NEURL1B: variants seen among roughly 807,000 people sequenced by gnomAD.
NEURL1B encodes the protein E3 ubiquitin-protein ligase NEURL1B.
NEURL1B carries 13 observed loss-of-function variants against 37.4 expected under a neutral mutation model. The observed-to-expected ratio is 0.35, with a 90% CI of 0.23 to 0.55. NEURL1B has a LOEUF of 0.55. Ranked by LOEUF, NEURL1B falls within the 20% of genes least tolerant of loss-of-function variation. The probability of loss-of-function intolerance (pLI) is 0.89; values close to 1 mark genes in which losing one functional copy is unlikely to be tolerated. For synonymous variants in NEURL1B, 432 were observed against 426.6 expected (o/e 1.01, Z -0.16); for missense variants, 790 against 879.2 (o/e 0.90, Z 1.28).
At chr5:172,642,712 C>T (rs117112108) in intron 1 of NEURL1B, among the ~76,000 whole-genome samples, 2 of 152,334 alleles carry the variant, frequency 1.3e-5, no homozygotes, top group East Asian at 3.9e-4. Context: ...AGCAACTGCA[C>T]TCAAACGTTC....
At chr5:172,645,317 C>T (rs543398481) in intron 1 of NEURL1B, among the ~76,000 whole-genome samples, 5 of 152,172 alleles carry the variant, frequency 3.3e-5, no homozygotes, top group Non-Finnish European at 7.3e-5. Context: ...GACAAAGAAG[C>T]ACTCGCTTAC....
intron 3 of NEURL1B, 79 bp downstream of exon 3, chr5:172,684,217 G>C (rs1581440634): frequency 1.0e-6 from 1 of 959,474 alleles, no homozygotes; most frequent in Non-Finnish European, 1.2e-6. Context: ...GCTCTTCCCC[G>C]GCCCCGCCCC....
intron 1 of NEURL1B, among the ~76,000 whole-genome samples, chr5:172,664,123 T>G (rs1757960684): frequency 6.6e-6 from 1 of 152,134 alleles, no homozygotes; most frequent in South Asian, 2.1e-4. Flanking sequence ...ACTCTGATGG[T>G]AAGAAAGTTA....
Position 172,683,275 on chromosome 5 carries a change from G to C in NEURL1B, c.578-144G>C, listed in dbSNP as rs923944180. The C allele has an allele frequency of 2.2e-6, 2 of 891,402 alleles. No individual in the cohort carries two copies. The highest frequency in any genetic ancestry group is 3.0e-6 in the Non-Finnish European group (2 of 676,496). 55.2% of individuals were successfully genotyped at this position (891,402 alleles called of 1,614,324 possible). ...TAAATAACACAGATGGACAAAAGGA[G>C]AGTTCGAAGCCGGGGTGGGGTGGGG... On this transcript the variant is annotated intron_variant, in intron 2 of 4. Transcript: ENST00000369800. This position sits in a 1 kb window ranked among gnomAD's most constrained non-coding sequence, Gnocchi z 5.6.
intron 2 of NEURL1B, among the ~76,000 whole-genome samples, chr5:172,674,528 G>A (rs185228954): frequency 1.1e-4 from 16 of 152,148 alleles, no homozygotes; most frequent in African/African-American, 3.9e-4. Flanking sequence ...AGTTCGCATT[G>A]TGCTCACCTG....
At chr5:172,679,387 G>A (rs1401555258) in intron 2 of NEURL1B, among the ~76,000 whole-genome samples, 4 of 152,258 alleles carry the variant, frequency 2.6e-5, no homozygotes, top group Admixed American at 1.3e-4. Context: ...GCAGGCGCTC[G>A]AGAACGTGGT....
Position 172,641,561 on chromosome 5 carries a change from C to A in NEURL1B, c.31+124C>A. 3 of 815,404 alleles carry A rather than the reference C, an allele frequency of 3.7e-6. No individual in the cohort carries two copies. The highest frequency in any genetic ancestry group is 5.6e-5 in the South Asian group (1 of 17,944). The allele number at this position is 815,404 out of a possible 1,614,324, so 50.5% of individuals were successfully genotyped here. On this transcript the variant is annotated intron_variant, in intron 1 of 4. Transcript: ENST00000369800. This position sits in a 1 kb window ranked among gnomAD's most constrained non-coding sequence, Gnocchi z 6.4. ...CCCTCGGCTCGCAGCGGGCTGGAGTCTCCGGTACCTCCCGGACCTCAGCTC... is the reference window on the plus strand; with the variant it reads ...CCCTCGGCTCGCAGCGGGCTGGAGTATCCGGTACCTCCCGGACCTCAGCTC...
intron 2 of NEURL1B, among the ~76,000 whole-genome samples, chr5:172,670,706 TTCATTCAC>T (rs368189602): frequency 2.1e-3 from 327 of 152,390 alleles, no homozygotes; most frequent in African/African-American, 6.5e-3. Flanking sequence ...TGCTCATTCA[TTCATTCAC>T]TCATTCACTC....
chr5:172,683,323 C>G lies in NEURL1B; in HGVS notation c.578-96C>G. On this transcript the variant is annotated intron_variant, in intron 2 of 4. Transcript: ENST00000369800. The surrounding 1 kb of genome is among the most constrained non-coding windows in gnomAD (Gnocchi z 5.6). ...GGGGCTGCTCGAGGCCCGGGTCGGT[C>G]GTGGAGGCCTGCAGGAGGCAGCGGG... The G allele has an allele frequency of 8.1e-7, 1 of 1,240,562 alleles. No homozygotes were observed. 76.8% of individuals were successfully genotyped at this position (1,240,562 alleles called of 1,614,324 possible). A position where few individuals can be genotyped will look rare whatever the true frequency, so the allele number is the denominator to read the frequency against.
Position 172,687,994 on chromosome 5 carries a change from T to G in NEURL1B, c.*1069T>G, listed in dbSNP as rs1441016074. 1 of 152,694 alleles carries G rather than the reference T, an allele frequency of 6.5e-6. No homozygotes were observed. The highest frequency in any genetic ancestry group is 1.9e-4 in the East Asian group (1 of 5,196). 9.5% of individuals were successfully genotyped at this position (152,694 alleles called of 1,614,324 possible). A position where few individuals can be genotyped will look rare whatever the true frequency, so the allele number is the denominator to read the frequency against. ...TGATTCTCAGTGTATCTTCCTCCGC[T>G]GGTTACTAAAGTGTTCACTGATAAG... is the stretch of plus-strand genomic sequence containing the variant. On this transcript the variant is annotated 3_prime_UTR_variant, in exon 5 of 5. Coordinates refer to ENST00000369800, the MANE Select transcript of NEURL1B (RefSeq NM_001142651.3).
At chr5:172,649,872 C>T (rs981412683) in intron 1 of NEURL1B, among the ~76,000 whole-genome samples, 6 of 152,130 alleles carry the variant, frequency 3.9e-5, no homozygotes, top group Non-Finnish European at 7.3e-5. Context: ...CATCCCAGGA[C>T]CACAGACCCA....
intron 1 of NEURL1B, among the ~76,000 whole-genome samples, chr5:172,663,829 T>TTTTTTATTATTAGTATTATTATTATTA (rs138220033): frequency 7.1e-6 from 1 of 140,826 alleles, no homozygotes; most frequent in African/African-American, 2.6e-5. Context: ...GTTTTATTTG[T>TTTTTTATTATTAGTATTATTATTATTA]TTATTATTAT....
rs1758206416 is a variant in NEURL1B at position 172,675,055 on chromosome 5, A to G, written c.577+4725A>G. ...CGGCTAATTTTTGTATTTTTAGTAA[A>G]GATGGGGTTTCTACTGGGTACCTGT... On this transcript the variant is annotated intron_variant, in intron 2 of 4. Transcript: ENST00000369800. The surrounding 1 kb of genome is among the most constrained non-coding windows in gnomAD (Gnocchi z 4.7). Among the ~76,000 whole-genome samples, 1 of 152,084 alleles carries G rather than the reference A, an allele frequency of 6.6e-6. No homozygotes were observed. The highest frequency in any genetic ancestry group is 2.4e-5 in the African/African-American group (1 of 41,408).
chr5:172,681,669 C>A (rs1230509756), intron 2 of NEURL1B, among the ~76,000 whole-genome samples: 1 of 152,216 alleles, frequency 6.6e-6, no homozygotes, highest in Non-Finnish European at 1.5e-5. Flanking sequence ...ACTGGTTTCC[C>A]AAGTGCTATA....
chr5:172,676,814 A>T lies in NEURL1B; in HGVS notation c.577+6484A>T, dbSNP rs1158114195. Among the ~76,000 whole-genome samples the T allele has an allele frequency of 1.3e-5, 2 of 152,246 alleles. No individual in the cohort carries two copies. The highest frequency in any genetic ancestry group is 4.8e-5 in the African/African-American group (2 of 41,472). ...AAGAATCCTGTGAGGCAGGAAACTC[A>T]TTTGCAAACTCCACGTGGATAGAGA... On this transcript the variant is annotated intron_variant, in intron 2 of 4. Coordinates refer to ENST00000369800, the MANE Select transcript of NEURL1B (RefSeq NM_001142651.3). The surrounding 1 kb of genome is among the most constrained non-coding windows in gnomAD (Gnocchi z 4.5).
chr5:172,677,950 C>T (rs1476219514), intron 2 of NEURL1B, among the ~76,000 whole-genome samples: 3 of 152,184 alleles, frequency 2.0e-5, no homozygotes, highest in African/African-American at 7.2e-5. Context: ...TGCCCTGAGG[C>T]GTGAGTCCCT....
chr5:172,653,117 A>G (rs1757699896), intron 1 of NEURL1B, among the ~76,000 whole-genome samples: 1 of 152,188 alleles, frequency 6.6e-6, no homozygotes, highest in East Asian at 1.9e-4. Context: ...TAGGAGTGGT[A>G]CATGTGCTAA....
rs1188136731 is a variant in NEURL1B, at chr5:172,683,768, G to A, written c.927G>A (p.Thr309=). The change falls in exon 3 of 5, where the codon ACG becomes ACA. Residue 309 remains threonine (T), a synonymous_variant. Coordinates refer to ENST00000369800, the MANE Select transcript of NEURL1B (RefSeq NM_001142651.3). The surrounding 1 kb of genome is among the most constrained non-coding windows in gnomAD (Gnocchi z 5.6). ...ACAPRPDGGR[T]LVFSERPLRP... Reference sequence around the variant, plus strand: ...CACCGCGGCCCGACGGCGGCCGCACGCTGGTCTTCTCCGAGCGCCCGCTGC... The same window carrying A: ...CACCGCGGCCCGACGGCGGCCGCACACTGGTCTTCTCCGAGCGCCCGCTGC... 9 of 1,308,904 alleles carry A rather than the reference G, an allele frequency of 6.9e-6. No homozygotes were observed. Among genetic ancestry groups the A allele is most frequent in the Non-Finnish European group, 8.8e-6 (9 of 1,024,442 alleles). The allele number at this position is 1,308,904 out of a possible 1,614,324, so 81.1% of individuals were successfully genotyped here.
rs543515351 is a variant in NEURL1B, at chr5:172,675,880, A to C, written c.577+5550A>C. 6.6e-6 allele frequency among the ~76,000 whole-genome samples: 1 copy of C among 152,168 alleles called. No homozygotes were observed. The highest frequency in any genetic ancestry group is 1.5e-5 in the Non-Finnish European group (1 of 68,026). Reference sequence around the variant, plus strand: ...ATTTCACATTTCAGATTTTCAGATCAGGGATACTCAACTTATGTCTCTTTT... The same window carrying C: ...ATTTCACATTTCAGATTTTCAGATCCGGGATACTCAACTTATGTCTCTTTT... On this transcript the variant is annotated intron_variant, in intron 2 of 4. Transcript: ENST00000369800. This position sits in a 1 kb window ranked among gnomAD's most constrained non-coding sequence, Gnocchi z 4.7.
Sources: gnomAD v4.1 joint callset for allele counts (sites outside exome capture counted in the v4.1 genomes callset) on GRCh38, gnomAD v4.1.1 for gene constraint, Gnocchi (gnomAD v3.1) non-coding constraint, MANE v1.5 for transcripts, NCBI Gene and HGNC (gene_info 2026-07-23, HGNC 2026-07-21) for gene names.